CNTN5: variants seen among roughly 807,000 people sequenced by gnomAD.
CNTN5 encodes the protein contactin 5.
A neutral mutation model predicts 129.1 loss-of-function variants in CNTN5; 77 were observed. The ratio of observed to expected loss-of-function variants is 0.60; its 90% confidence interval spans 0.50 to 0.72. The LOEUF (loss-of-function observed/expected upper bound fraction) is 0.72, where lower values mean the gene tolerates loss of function less well. Ranked by LOEUF, CNTN5 falls within the 30% of genes least tolerant of loss-of-function variation. CNTN5 has a pLI of 0.00. For synonymous variants in CNTN5, 509 were observed against 465.6 expected (o/e 1.09, Z -1.20); for missense variants, 1,478 against 1,328.8 (o/e 1.11, Z -1.75).
chr11:99,251,264 A>G (rs1213431289), intron 1 of CNTN5, among the ~76,000 whole-genome samples: 3 of 151,994 alleles, frequency 2.0e-5, no homozygotes, highest in Non-Finnish European at 4.4e-5. Flanking sequence ...TAAATAATTT[A>G]CTATAAGAGA....
chr11:99,366,624 T>G (rs1371814847), intron 2 of CNTN5, among the ~76,000 whole-genome samples: 3 of 152,154 alleles, frequency 2.0e-5, no homozygotes, highest in African/African-American at 7.2e-5. Flanking sequence ...CTGAGTTCAG[T>G]GAATACTGCT....
At chr11:99,363,948 TAG>T (rs1006357107) in intron 2 of CNTN5, among the ~76,000 whole-genome samples, 1 of 152,058 alleles carries the variant, frequency 6.6e-6, no homozygotes, top group African/African-American at 2.4e-5. Flanking sequence ...TTCAAATAAT[TAG>T]AGTGTAATTA....
intron 3 of CNTN5, among the ~76,000 whole-genome samples, chr11:99,681,780 T>G (rs974208967): frequency 2.0e-5 from 3 of 152,058 alleles, no homozygotes; most frequent in Non-Finnish European, 4.4e-5. Context: ...TAGATCTATA[T>G]ATTGAAAAAC....
At chr11:99,281,407 A>G (rs1007270822) in intron 1 of CNTN5, among the ~76,000 whole-genome samples, 5 of 151,992 alleles carry the variant, frequency 3.3e-5, no homozygotes, top group African/African-American at 1.2e-4. Context: ...AATTTCTGTA[A>G]CACTGATGTA....
chr11:99,161,928 A>G (rs886429837), intron 1 of CNTN5, among the ~76,000 whole-genome samples: 2 of 152,168 alleles, frequency 1.3e-5, no homozygotes, highest in African/African-American at 4.8e-5. Flanking sequence ...TGCAAAATCC[A>G]TGTCAAGCAC....
At chr11:99,782,959 A>G (rs1055850715) in intron 3 of CNTN5, among the ~76,000 whole-genome samples, 2 of 151,768 alleles carry the variant, frequency 1.3e-5, no homozygotes, top group African/African-American at 2.4e-5. Flanking sequence ...AATGGCAACA[A>G]AAGACAAAAT....
intron 9 of CNTN5, among the ~76,000 whole-genome samples, chr11:100,024,073 T>C (rs186940748): frequency 6.6e-6 from 1 of 152,330 alleles, no homozygotes; most frequent in Admixed American, 6.5e-5. Flanking sequence ...AATCTCATCT[T>C]GAATTGTAAT....
Position 99,833,070 on chromosome 11 carries a change from A to G in CNTN5, c.278-11782A>G, listed in dbSNP as rs574979704. ...CATGATAATGTTGGGTCATGATCCA[A>G]TAAAACAATCGAAACAGTGATCCAA... On this transcript the variant is annotated intron_variant, in intron 4 of 24. Coordinates refer to ENST00000524871, the MANE Select transcript of CNTN5 (RefSeq NM_014361.4). Among the ~76,000 whole-genome samples the G allele has an allele frequency of 5.9e-4, 90 of 152,352 alleles. 3 individuals carry two copies. In the South Asian group the frequency reaches 0.017, roughly 29 times the overall value.
At chr11:99,114,164 A>T (rs1389463238) in intron 1 of CNTN5, among the ~76,000 whole-genome samples, 1 of 152,014 alleles carries the variant, frequency 6.6e-6, no homozygotes, top group Non-Finnish European at 1.5e-5. Context: ...TACCTCTATG[A>T]ATTTTGATCA....
At chr11:99,113,504 A>G (rs185425462) in intron 1 of CNTN5, among the ~76,000 whole-genome samples, 4 of 152,170 alleles carry the variant, frequency 2.6e-5, no homozygotes, top group Admixed American at 1.3e-4. Flanking sequence ...GGCAACTAAG[A>G]CTCAATCCTG....
At chr11:99,318,544 AT>A (rs111266538) in intron 1 of CNTN5, among the ~76,000 whole-genome samples, 15,820 of 148,206 alleles carry the variant, frequency 0.11, 1,235 homozygotes, top group East Asian at 0.24. Context: ...TTTGAGAATT[AT>A]TTTTTTTTTT....
intron 3 of CNTN5, among the ~76,000 whole-genome samples, chr11:99,787,084 C>G (rs571173453): frequency 0.017 from 1,223 of 73,474 alleles, 6 homozygotes; most frequent in Non-Finnish European, 0.025. Flanking sequence ...GCTTCTGAAA[C>G]TACATGTTTT....
At chr11:99,211,317 T>A (rs183903907) in intron 1 of CNTN5, among the ~76,000 whole-genome samples, 24 of 152,244 alleles carry the variant, frequency 1.6e-4, no homozygotes, top group African/African-American at 5.3e-4. Context: ...GGGGGGTTTG[T>A]TTTGCTATAC....
rs114017993 is a variant in CNTN5, at chr11:100,297,823, T to A, written c.2385+128T>A. 4.4e-6 allele frequency: 3 copies of A among 681,584 alleles called. No individual in the cohort carries two copies. In the East Asian group the frequency reaches 8.3e-5, roughly 19 times the overall value. The allele number at this position is 681,584 out of a possible 1,614,324, so 42.2% of individuals were successfully genotyped here. On this transcript the variant is annotated intron_variant, in intron 19 of 24. Transcript: ENST00000524871. ...GGCTAAAAACAGTGGGAGGAAGGAATGAACCACTGCTGAATAAATGCCACG... is the reference window on the plus strand; with the variant it reads ...GGCTAAAAACAGTGGGAGGAAGGAAAGAACCACTGCTGAATAAATGCCACG...
chr11:99,698,994 T>G (rs1311832423), intron 3 of CNTN5, among the ~76,000 whole-genome samples: 2 of 151,274 alleles, frequency 1.3e-5, no homozygotes, highest in East Asian at 3.9e-4. Context: ...TAAAACTTTT[T>G]TTTCCTGAAT....
At chr11:99,610,334 T>C (rs1484471603) in intron 3 of CNTN5, among the ~76,000 whole-genome samples, 1 of 152,134 alleles carries the variant, frequency 6.6e-6, no homozygotes, top group Non-Finnish European at 1.5e-5. Context: ...ATATTCTATC[T>C]GGTGTTATTT....
At position 99,714,098 on chromosome 11, in the gene CNTN5, G is replaced by A. The variant is rs187784142; in HGVS notation, c.56-105446G>A. Among the ~76,000 whole-genome samples, 193 of 151,900 alleles carry A rather than the reference G, an allele frequency of 1.3e-3. 1 individual carries two copies. Among genetic ancestry groups the A allele is most frequent in the African/African-American group, 4.5e-3 (186 of 41,470 alleles). On this transcript the variant is annotated intron_variant, in intron 3 of 24. Transcript: ENST00000524871. The stretch of plus-strand genomic sequence containing the variant: ...TGGTGCATTATATTATCCATTTAAA[G>A]ATGCTACTTGCATTTCTGAACTTCA...
intron 6 of CNTN5, among the ~76,000 whole-genome samples, chr11:99,858,917 A>G (rs926280770): frequency 3.7e-4 from 1 of 2,674 alleles, no homozygotes; most frequent in Non-Finnish European, 6.8e-4. Context: ...AATGTTTTGC[A>G]TTTACCTTCA....
intron 17 of CNTN5, among the ~76,000 whole-genome samples, chr11:100,263,448 G>T (rs955226355): frequency 4.6e-5 from 7 of 152,070 alleles, no homozygotes; most frequent in African/African-American, 1.4e-4. Context: ...ATTTAATTCA[G>T]AATTTATTTG....
Sources: gnomAD v4.1 joint callset for allele counts (sites outside exome capture counted in the v4.1 genomes callset) on GRCh38, gnomAD v4.1.1 for gene constraint, MANE v1.5 for transcripts, NCBI Gene and HGNC (gene_info 2026-07-23, HGNC 2026-07-21) for gene names.